LRRTM4: variants seen among roughly 807,000 people sequenced by gnomAD.
The protein encoded by LRRTM4 is leucine rich repeat transmembrane neuronal 4, also known as leucine-rich repeat transmembrane neuronal protein 4.
LRRTM4 carries 25 observed loss-of-function variants against 47.6 expected under a neutral mutation model. That is an observed-to-expected ratio of 0.53 (90% CI 0.38 to 0.73). LRRTM4 has a LOEUF of 0.73. LRRTM4 is among the 30% of genes least tolerant of loss of function. The pLI is 0.00. For synonymous variants in LRRTM4, 311 were observed against 269.5 expected (o/e 1.15, Z -1.51); for missense variants, 638 against 713.4 (o/e 0.89, Z 1.20).
At chr2:77,454,507 G>A (rs548626459) in intron 3 of LRRTM4, among the ~76,000 whole-genome samples, 4 of 151,946 alleles carry the variant, frequency 2.6e-5, no homozygotes, top group East Asian at 1.9e-4. Flanking sequence ...AACACAAAAC[G>A]ACCATAACAT....
intron 3 of LRRTM4, among the ~76,000 whole-genome samples, chr2:76,919,236 C>G (rs1674358023): frequency 6.6e-6 from 1 of 152,128 alleles, no homozygotes; most frequent in Non-Finnish European, 1.5e-5. Context: ...CTTTGTGAGT[C>G]AACTCAGCTC....
intron 3 of LRRTM4, among the ~76,000 whole-genome samples, chr2:77,327,201 A>G (rs1558690029): frequency 6.6e-6 from 1 of 152,240 alleles, no homozygotes; most frequent in Non-Finnish European, 1.5e-5. Flanking sequence ...GTACTAAAGT[A>G]TAACTTTGTA....
chr2:77,445,373 T>A (rs2103939191), intron 3 of LRRTM4, among the ~76,000 whole-genome samples: 1 of 152,030 alleles, frequency 6.6e-6, no homozygotes, highest in African/African-American at 2.4e-5. Flanking sequence ...TCTGGGAAAG[T>A]ATTTTCCCTT....
intron 3 of LRRTM4, among the ~76,000 whole-genome samples, chr2:77,368,336 T>C (rs1672533920): frequency 6.6e-6 from 1 of 151,798 alleles, no homozygotes; most frequent in Admixed American, 6.6e-5. Flanking sequence ...AAAACATATG[T>C]GACATAGCCC....
At chr2:76,853,908 C>A (rs1214367358) in intron 3 of LRRTM4, among the ~76,000 whole-genome samples, 1 of 152,160 alleles carries the variant, frequency 6.6e-6, no homozygotes, top group Non-Finnish European at 1.5e-5. Context: ...TGTTTGTTGC[C>A]TTTTCCTCCC....
chr2:77,217,920 T>C (rs560032497), intron 3 of LRRTM4, among the ~76,000 whole-genome samples: 5 of 152,338 alleles, frequency 3.3e-5, no homozygotes, highest in African/African-American at 1.2e-4. Flanking sequence ...CTACACTCAT[T>C]GTGCAGTACC....
At chr2:77,291,329 A>C (rs1676816928) in intron 3 of LRRTM4, among the ~76,000 whole-genome samples, 1 of 152,130 alleles carries the variant, frequency 6.6e-6, no homozygotes, top group Non-Finnish European at 1.5e-5. Flanking sequence ...AAAGTGTTAA[A>C]ACTATTGAAA....
rs567306328 is a variant in LRRTM4 at position 77,108,659 on chromosome 2, C to T, written c.1552-359743G>A. The stretch of plus-strand genomic sequence containing the variant: ...AGTGCAGTGGCGGGATCTGGGCTCA[C>T]TGCAAGCTCCGCCTCCCGGGTTCAC... On this transcript the variant is annotated intron_variant, in intron 3 of 3. Transcript: ENST00000409884. Among the ~76,000 whole-genome samples the T allele has an allele frequency of 2.4e-3, 368 of 150,350 alleles. 2 individuals carry two copies. The highest frequency in any genetic ancestry group is 8.3e-3 in the African/African-American group (340 of 40,832).
intron 3 of LRRTM4, among the ~76,000 whole-genome samples, chr2:77,150,230 A>G (rs1054400598): frequency 6.6e-6 from 1 of 152,192 alleles, no homozygotes; most frequent in Non-Finnish European, 1.5e-5. Flanking sequence ...TATTAAATAA[A>G]TAGAATTTGC....
At chr2:76,947,816 A>G (rs1675371345) in intron 3 of LRRTM4, among the ~76,000 whole-genome samples, 1 of 151,810 alleles carries the variant, frequency 6.6e-6, no homozygotes, top group African/African-American at 2.4e-5. Flanking sequence ...TGTGTGTTTC[A>G]TTATTTGTTT....
chr2:77,521,999 A>G, intron 1 of LRRTM4, 110 bp downstream of exon 1: 1 of 685,074 alleles, frequency 1.5e-6, no homozygotes, highest in Non-Finnish European at 2.7e-6. Flanking sequence ...GTAATTCACC[A>G]GAGACCCATC....
chr2:77,015,906 C>A (rs758683592), intron 3 of LRRTM4, among the ~76,000 whole-genome samples: 1 of 151,906 alleles, frequency 6.6e-6, no homozygotes, highest in Non-Finnish European at 1.5e-5. Context: ...TACTTGAGGT[C>A]AGGAGTTCGA....
At chr2:77,495,077 G>C (rs1176549066) in intron 3 of LRRTM4, among the ~76,000 whole-genome samples, 5 of 152,066 alleles carry the variant, frequency 3.3e-5, no homozygotes, top group Admixed American at 3.3e-4. Flanking sequence ...GTTTCCAGTA[G>C]TTGGATATTG....
chr2:76,938,141 C>T (rs1334578851), intron 3 of LRRTM4, among the ~76,000 whole-genome samples: 1 of 151,886 alleles, frequency 6.6e-6, no homozygotes, highest in Non-Finnish European at 1.5e-5. Flanking sequence ...GGTAGTTGCA[C>T]ATTATTAGTT....
rs1573410595 is a variant in LRRTM4, at chr2:76,988,882, A to T, written c.1552-239966T>A. Among the ~76,000 whole-genome samples the T allele has an allele frequency of 1.3e-5, 2 of 151,768 alleles. 1 individual carries two copies. The highest frequency in any genetic ancestry group is 1.3e-4 in the Admixed American group (2 of 15,148). On this transcript the variant is annotated intron_variant, in intron 3 of 3. Transcript: ENST00000409884. ...GGAGGCAGTGGTATGAGGGAACTGAAGCTAGAAAACTCAGATTGGTAAAAT... is the reference window on the plus strand; with the variant it reads ...GGAGGCAGTGGTATGAGGGAACTGATGCTAGAAAACTCAGATTGGTAAAAT...
At chr2:76,871,193 G>T (rs1414475698) in intron 3 of LRRTM4, among the ~76,000 whole-genome samples, 1 of 152,042 alleles carries the variant, frequency 6.6e-6, no homozygotes, top group Non-Finnish European at 1.5e-5. Context: ...AAATAGAAAT[G>T]AACTTCTATT....
intron 3 of LRRTM4, among the ~76,000 whole-genome samples, chr2:77,486,466 C>T (rs1677913998): frequency 6.6e-6 from 1 of 151,936 alleles, no homozygotes. Context: ...TCATTTTGCA[C>T]ACATATTAAG....
At chr2:77,176,515 T>G (rs1372278615) in intron 3 of LRRTM4, among the ~76,000 whole-genome samples, 1 of 152,170 alleles carries the variant, frequency 6.6e-6, no homozygotes, top group Non-Finnish European at 1.5e-5. Flanking sequence ...AGATGCAGTT[T>G]CAATCTCTTT....
At chr2:77,212,176 C>T (rs573656133) in intron 3 of LRRTM4, among the ~76,000 whole-genome samples, 36 of 151,366 alleles carry the variant, frequency 2.4e-4, no homozygotes, top group Admixed American at 2.2e-3. Flanking sequence ...ATCTAGGTTT[C>T]GAATATTTAG....
Sources: allele counts gnomAD v4.1 joint callset (sites outside exome capture counted in the v4.1 genomes callset), GRCh38; gene constraint gnomAD v4.1.1; transcripts MANE v1.5; gene names NCBI Gene and HGNC (gene_info 2026-07-23, HGNC 2026-07-21).